SLC4A8: variants seen among roughly 807,000 people sequenced by gnomAD.
SLC4A8 encodes electroneutral sodium bicarbonate exchanger 1.
SLC4A8 carries 40 observed loss-of-function variants against 125.0 expected under a neutral mutation model. The ratio of observed to expected loss-of-function variants is 0.32; its 90% confidence interval spans 0.25 to 0.42. The LOEUF is 0.42. SLC4A8 is among the 10% of genes least tolerant of loss of function. The pLI, the probability that SLC4A8 is intolerant of heterozygous loss-of-function variation, is 1.00. For missense variants in SLC4A8, 863 were observed against 1,355.1 expected (o/e 0.64, Z 5.70); for synonymous variants, 456 against 476.0 (o/e 0.96, Z 0.55).
intron 10 of SLC4A8, chr12:51,462,705 C>A: frequency 4.2e-6 from 1 of 238,008 alleles, no homozygotes; most frequent in Admixed American, 5.2e-5. Context: ...CCAGCCTGGC[C>A]AACATGGTGA....
At chr12:51,449,095 C>G (rs1193280127) in intron 2 of SLC4A8, among the ~76,000 whole-genome samples, 2 of 152,086 alleles carry the variant, frequency 1.3e-5, no homozygotes, top group Non-Finnish European at 2.9e-5. Flanking sequence ...CAGAGGAGAG[C>G]AAGCCAGACT....
intron 15 of SLC4A8, chr12:51,474,650 C>A: frequency 1.1e-6 from 1 of 901,228 alleles, no homozygotes; most frequent in South Asian, 2.1e-5. Context: ...CTTCTCTTTT[C>A]TCCCCCCTAC....
Position 51,460,007 on chromosome 12 carries a change from G to T in SLC4A8, c.912G>T (p.Leu304=), listed in dbSNP as rs149043372. The change falls in exon 8 of 25, where the codon CTG becomes CTT. Residue 304 remains leucine (L), a synonymous_variant. Coordinates refer to ENST00000453097, the MANE Select transcript of SLC4A8 (RefSeq NM_001039960.3). Reference sequence around the variant, plus strand: ...CTGGGGCCGAGGCCTCCAATGTCCTGGTTGGAGAGGTGGATATTTTGGACC... The same window carrying T: ...CTGGGGCCGAGGCCTCCAATGTCCTTGTTGGAGAGGTGGATATTTTGGACC... ...IPTGAEASNV[L]VGEVDILDRP... The T allele has an allele frequency of 9.9e-6, 16 of 1,612,308 alleles. No homozygotes were observed. In the African/African-American group the frequency reaches 2.1e-4, roughly 22 times the overall value.
At chr12:51,430,880 C>A (rs1381936190) in intron 1 of SLC4A8, among the ~76,000 whole-genome samples, 1 of 152,152 alleles carries the variant, frequency 6.6e-6, no homozygotes. Context: ...GTCAGGAAGT[C>A]ATAATATATG....
upstream of SLC4A8, among the ~76,000 whole-genome samples, chr12:51,422,428 G>A (rs911638638): frequency 2.6e-5 from 4 of 152,084 alleles, no homozygotes; most frequent in African/African-American, 4.8e-5. Context: ...GGAGTGGAGT[G>A]GTATACTGAA....
Position 51,432,449 on chromosome 12 carries a change from G to A in SLC4A8, c.48+7414G>A, listed in dbSNP as rs912898053. Among the ~76,000 whole-genome samples the A allele has an allele frequency of 4.7e-5, 7 of 149,478 alleles. No individual in the cohort carries two copies. In the South Asian group the frequency reaches 1.1e-3, roughly 23 times the overall value. ...AAAAAGAAACCCTGGAAATGGCTGG[G>A]TGTGGTGGCTCACACCTGTAATCCC... On this transcript the variant is annotated intron_variant, in intron 1 of 24. Coordinates refer to ENST00000453097, the MANE Select transcript of SLC4A8 (RefSeq NM_001039960.3).
rs1948678697 is a variant in SLC4A8 at position 51,416,018 on chromosome 12, CT to C, written c.-112+24538del. Among the ~76,000 whole-genome samples, 8 of 151,532 alleles carry C rather than the reference CT, an allele frequency of 5.3e-5. No individual in the cohort carries two copies. The South Asian group carries it at 1.7e-3, about 32-fold the overall frequency. ...TAAGAGTACGACCTCTACTCTCTTC[CT>C]TTTTTTTAAATTTACTTGGTATACC... On this transcript the variant is annotated intron_variant, in intron 1 of 24. Coordinates refer to the SLC4A8 transcript ENST00000358657.
intron 19 of SLC4A8, among the ~76,000 whole-genome samples, chr12:51,491,737 GCAGACACACACACACACA>G (rs1377738998): frequency 5.5e-5 from 7 of 126,826 alleles, no homozygotes; most frequent in East Asian, 2.4e-4. Flanking sequence ...CTGGGGATGG[GCAGACACACACACACACA>G]CACACACACA....
chr12:51,462,358 G>A lies in SLC4A8; in HGVS notation c.1150G>A (p.Ala384Thr). 6.2e-7 allele frequency: 1 copy of A among 1,613,860 alleles called. No homozygotes were observed. Among genetic ancestry groups the A allele is most frequent in the Non-Finnish European group, 8.5e-7 (1 of 1,179,864 alleles). ...YKAKERDDLL[A>T]GIDEFLDQVT... ...GGCAAAAGAGCGAGATGATCTCCTG[G>A]CGGGGATTGATGAGTTCCTAGACCA... The change falls in exon 10 of 25, where the codon GCG becomes ACG. Residue 384 changes from alanine to threonine, a missense_variant. Ala to Thr is a moderately conservative substitution (Grantham distance 58). Transcript: ENST00000453097.
chr12:51,399,672 G>A (rs951698019), intron 1 of SLC4A8, among the ~76,000 whole-genome samples: 2 of 152,146 alleles, frequency 1.3e-5, no homozygotes, highest in South Asian at 4.1e-4. Flanking sequence ...CCAGCTGTCT[G>A]ATCTTAAATC....
chr12:51,438,571 A>G (rs532162820), intron 1 of SLC4A8, among the ~76,000 whole-genome samples: 10 of 152,302 alleles, frequency 6.6e-5, no homozygotes, highest in African/African-American at 2.2e-4. Flanking sequence ...GCTATTATGA[A>G]TAGTGCTGCG....
At chr12:51,426,714 C>T (rs908166527) in intron 1 of SLC4A8, among the ~76,000 whole-genome samples, 9 of 151,914 alleles carry the variant, frequency 5.9e-5, no homozygotes, top group Non-Finnish European at 7.4e-5. Context: ...CAACAAGGAG[C>T]GATGAGGGGA....
chr12:51,467,028 T>C (rs778508687), intron 11 of SLC4A8, among the ~76,000 whole-genome samples: 29 of 152,096 alleles, frequency 1.9e-4, no homozygotes, highest in Middle Eastern at 3.2e-3. Context: ...CACAGAATTA[T>C]GCTTTCCAGA....
upstream of SLC4A8, among the ~76,000 whole-genome samples, chr12:51,424,062 A>AAAC (rs57379408): frequency 5.8e-5 from 3 of 51,846 alleles, 1 homozygote; most frequent in Non-Finnish European, 1.3e-4. Flanking sequence ...AACAAAAAAA[A>AAAC]CAACAAAAAA....
Position 51,463,697 on chromosome 12 carries a change from A to G in SLC4A8, c.1332A>G (p.Glu444=), listed in dbSNP as rs934236282. The part of the protein sequence containing the change: ...QEPHGGHSGP[E]LQRTGRLFGG... ...CACATGGGGGTCACAGTGGGCCAGAACTTCAGCGCACTGGGCGGTAAGTCC... is the reference window on the plus strand; with the variant it reads ...CACATGGGGGTCACAGTGGGCCAGAGCTTCAGCGCACTGGGCGGTAAGTCC... The change falls in exon 11 of 25, where the codon GAA becomes GAG. Residue 444 remains glutamate, a synonymous_variant. Coordinates refer to ENST00000453097, the MANE Select transcript of SLC4A8 (RefSeq NM_001039960.3). 12 of 1,613,020 alleles carry G rather than the reference A, an allele frequency of 7.4e-6. No individual in the cohort carries two copies. In the African/African-American group the frequency reaches 1.1e-4, roughly 14 times the overall value.
chr12:51,447,582 C>T (rs1949812859), intron 2 of SLC4A8, among the ~76,000 whole-genome samples: 1 of 152,062 alleles, frequency 6.6e-6, no homozygotes, highest in Non-Finnish European at 1.5e-5. Context: ...ATGGTGGGTA[C>T]AGCAGTCAAG....
intron 2 of SLC4A8, among the ~76,000 whole-genome samples, chr12:51,442,160 G>C (rs1391072457): frequency 6.6e-6 from 1 of 152,264 alleles, no homozygotes; most frequent in East Asian, 1.9e-4. Context: ...GTGAGGCTGG[G>C]GAGAGAATCC....
Position 51,458,634 on chromosome 12 carries a change from C to G in SLC4A8, c.839C>G (p.Pro280Arg). 6.2e-7 allele frequency: 1 copy of G among 1,613,148 alleles called. No homozygotes were observed. The highest frequency in any genetic ancestry group is 1.1e-5 in the South Asian group (1 of 91,036). ...AATGGAGTGAATTGTGAACATAGTCCTGTGGATTTAAGCAAGGTGAGCAGA... is the reference window on the plus strand; with the variant it reads ...AATGGAGTGAATTGTGAACATAGTCGTGTGGATTTAAGCAAGGTGAGCAGA... Reference protein sequence around the residue: ...VKNGVNCEHSPVDLSKVDLHF... With the variant: ...VKNGVNCEHSRVDLSKVDLHF... Residue 280 changes from proline (P) to arginine (R), a missense_variant, in exon 7 of 25, where the codon CCT becomes CGT. Physicochemically the swap from Pro to Arg is moderately radical, Grantham distance 103. This residue lies in a region of SLC4A8 where 390 missense variants were observed against 634.4 expected (regional missense o/e 0.61). Transcript: ENST00000453097.
rs1240885823 is a variant in SLC4A8 at position 51,515,394 on chromosome 12, C to T, written c.*7956C>T. On this transcript the variant is annotated 3_prime_UTR_variant, in exon 25 of 25. Coordinates refer to ENST00000453097, the MANE Select transcript of SLC4A8 (RefSeq NM_001039960.3). ...CAGGTGGAGAACAGAGCAACCTTCC[C>T]TCGGAAGGAGACAATTCGAGGTGCT... The T allele has an allele frequency of 6.6e-6, 1 of 152,186 alleles. No individual in the cohort carries two copies. The highest frequency in any genetic ancestry group is 1.5e-5 in the Non-Finnish European group (1 of 68,042). The allele number at this position is 152,186 out of a possible 1,614,324, so 9.4% of individuals were successfully genotyped here. A position where few individuals can be genotyped will look rare whatever the true frequency, so the allele number is the denominator to read the frequency against.
Sources: gnomAD v4.1 joint callset for allele counts (sites outside exome capture counted in the v4.1 genomes callset) on GRCh38, gnomAD v4.1.1 for gene constraint, gnomAD v4.1.1 regional missense constraint, MANE v1.5 for transcripts, NCBI Gene and HGNC (gene_info 2026-07-23, HGNC 2026-07-21) for gene names.